Variants in RXRA observed in about 807,000 individuals in gnomAD.
RXRA encodes retinoid X receptor alpha, also known as retinoic acid receptor RXR-alpha.
In RXRA, 5 loss-of-function variants were observed where a neutral mutation model predicts 44.5. The ratio of observed to expected loss-of-function variants is 0.11; its 90% CI spans 0.06 to 0.24. The LOEUF is 0.24. Ranked by LOEUF, RXRA falls within the 10% of genes least tolerant of loss-of-function variation. RXRA has a pLI of 1.00. For synonymous variants in RXRA, 291 were observed against 271.4 expected (o/e 1.07, Z -0.71); for missense variants, 412 against 646.5 (o/e 0.64, Z 3.93).
chr9:134,429,100 C>T lies in RXRA; in HGVS notation c.911-8C>T, dbSNP rs755307766. ...AGACAGCTGAGTGACTGTGTGCCTC[C>T]TCCCCAGGCTGGAATGAGCTGCTCA... On this transcript the variant is annotated splice_region_variant and splice_polypyrimidine_tract_variant and intron_variant, in intron 6 of 9. Transcript: ENST00000481739. The T allele has an allele frequency of 1.9e-6, 3 of 1,612,812 alleles. No homozygotes were observed. Among genetic ancestry groups the T allele is most frequent in the Middle Eastern group, 1.7e-4 (1 of 6,056 alleles).
At position 134,407,412 on chromosome 9, in the gene RXRA, G is replaced by A. The variant is rs1321587998; in HGVS notation, c.280-737G>A. On this transcript the variant is annotated intron_variant, in intron 2 of 9. Coordinates refer to ENST00000481739, the MANE Select transcript of RXRA (RefSeq NM_002957.6). This position sits in a 1 kb window ranked among gnomAD's most constrained non-coding sequence, Gnocchi z 4.8. ...CGGGAAGCGCCTGTGGGTCCTCGGC[G>A]CTGACTGCAGAGCTGGGTGGAGGCA... Among the ~76,000 whole-genome samples, 5 of 152,350 alleles carry A rather than the reference G, an allele frequency of 3.3e-5. No individual in the cohort carries two copies. Among genetic ancestry groups the A allele is most frequent in the Admixed American group, 2.6e-4 (4 of 15,312 alleles).
intron 1 of RXRA, among the ~76,000 whole-genome samples, chr9:134,336,875 C>T (rs1050551899): frequency 6.6e-6 from 1 of 152,208 alleles, no homozygotes; most frequent in Non-Finnish European, 1.5e-5. Context: ...TTCTGGAGGC[C>T]GGTCCAGTTT....
At chr9:134,337,697 A>G (rs1241443721) in intron 1 of RXRA, among the ~76,000 whole-genome samples, 4 of 152,058 alleles carry the variant, frequency 2.6e-5, no homozygotes, top group African/African-American at 7.2e-5. Flanking sequence ...GGAAAAGCCA[A>G]TGTCTCGTCC....
At chr9:134,401,336 G>A in intron 1 of RXRA, 1 of 445,824 alleles carries the variant, frequency 2.2e-6, no homozygotes, top group Non-Finnish European at 4.1e-6. Flanking sequence ...GAGGGTTGGA[G>A]CGACCCAGGC....
intron 4 of RXRA, among the ~76,000 whole-genome samples, chr9:134,412,991 A>G (rs1831173593): frequency 1.3e-5 from 2 of 152,142 alleles, no homozygotes; most frequent in African/African-American, 4.8e-5. Flanking sequence ...GTGTGCACCT[A>G]TGTGTGCACG....
chr9:134,346,501 C>T (rs1830153881), intron 1 of RXRA, among the ~76,000 whole-genome samples: 1 of 152,198 alleles, frequency 6.6e-6, no homozygotes, highest in Non-Finnish European at 1.5e-5. Flanking sequence ...CAGGTCCTGC[C>T]AGTGGCTGGC....
intron 1 of RXRA, among the ~76,000 whole-genome samples, chr9:134,364,896 G>C (rs912439858): frequency 1.3e-5 from 2 of 152,218 alleles, no homozygotes; most frequent in Non-Finnish European, 2.9e-5. Flanking sequence ...CTGGCCTCTC[G>C]GCCCCTAGCT....
chr9:134,374,612 A>G (rs1830530331), intron 1 of RXRA, among the ~76,000 whole-genome samples: 1 of 152,214 alleles, frequency 6.6e-6, no homozygotes, highest in Admixed American at 6.5e-5. Context: ...GCCCCGAGCA[A>G]ATGCCGTTCC....
Position 134,429,215 on chromosome 9 carries a change from G to A in RXRA, c.1018G>A (p.Ala340Thr). 6.2e-7 allele frequency: 1 copy of A among 1,612,572 alleles called. No individual in the cohort carries two copies. Among genetic ancestry groups the A allele is most frequent in the Non-Finnish European group, 8.5e-7 (1 of 1,179,822 alleles). Reference sequence around the variant, plus strand: ...CGTCCACCGGAACAGCGCCCACAGCGCAGGGGTGGGCGCCATCTTTGACAG... The same window carrying A: ...CGTCCACCGGAACAGCGCCCACAGCACAGGGGTGGGCGCCATCTTTGACAG... ...LHVHRNSAHS[A>T]GVGAIFDRVL... The change falls in exon 7 of 10, where the codon GCA (alanine) becomes ACA (threonine). Residue 340 changes from alanine (A) to threonine (T), a missense_variant. By Grantham distance (58) the Ala-to-Thr change is moderately conservative. Transcript: ENST00000481739.
Position 134,342,026 on chromosome 9 carries a change from C to T in RXRA, c.28+15367C>T, listed in dbSNP as rs59984933. Among the ~76,000 whole-genome samples, 16,202 of 152,142 alleles carry T rather than the reference C, an allele frequency of 0.11. 946 individuals are homozygous for T. The highest frequency in any genetic ancestry group is 0.16 in the Admixed American group (2,523 of 15,298). On this transcript the variant is annotated intron_variant, in intron 1 of 9. Transcript: ENST00000481739. This position sits in a 1 kb window ranked among gnomAD's most constrained non-coding sequence, Gnocchi z 4.4. ...TGGGGGTAGGGGCTGTCAGAGCATC[C>T]GGCTAGCTGGAGCCTGCCTGTGGTG...
intron 4 of RXRA, 70 bp downstream of exon 4, chr9:134,409,189 G>A: frequency 1.4e-6 from 2 of 1,405,566 alleles, no homozygotes; most frequent in Non-Finnish European, 1.9e-6. Flanking sequence ...CTTGTGCGTG[G>A]ACACCCGAGA....
At position 134,349,132 on chromosome 9, in the gene RXRA, G is replaced by A. The variant is rs1250900807; in HGVS notation, c.28+22473G>A. On this transcript the variant is annotated intron_variant, in intron 1 of 9. Coordinates refer to ENST00000481739, the MANE Select transcript of RXRA (RefSeq NM_002957.6). This position sits in a 1 kb window ranked among gnomAD's most constrained non-coding sequence, Gnocchi z 4.3. ...CCTGAACTCACCGAGGGCCAGGAGG[G>A]GTCCTGAACACTGCCCTGCCTCATG... Among the ~76,000 whole-genome samples the A allele has an allele frequency of 6.6e-6, 1 of 152,218 alleles. No homozygotes were observed. Among genetic ancestry groups the A allele is most frequent in the African/African-American group, 2.4e-5 (1 of 41,454 alleles).
intron 1 of RXRA, among the ~76,000 whole-genome samples, chr9:134,384,186 G>A (rs1002516780): frequency 1.3e-5 from 2 of 151,590 alleles, no homozygotes; most frequent in South Asian, 2.1e-4. Context: ...GTGTCACCCC[G>A]GTTGGGGGGG....
rs374063207 is a variant in RXRA, at chr9:134,417,689, C to T, written c.780+362C>T. On this transcript the variant is annotated intron_variant, in intron 5 of 9. Coordinates refer to ENST00000481739, the MANE Select transcript of RXRA (RefSeq NM_002957.6). This position sits in a 1 kb window ranked among gnomAD's most constrained non-coding sequence, Gnocchi z 6.1. Reference sequence around the variant, plus strand: ...CGGTGCAGAGGCTGTCCCTGCTCCCCGGTGCCACTTGGAAAAGGTATGGGA... The same window carrying T: ...CGGTGCAGAGGCTGTCCCTGCTCCCTGGTGCCACTTGGAAAAGGTATGGGA... Among the ~76,000 whole-genome samples the T allele has an allele frequency of 5.9e-5, 9 of 152,116 alleles. No individual in the cohort carries two copies. Among genetic ancestry groups the T allele is most frequent in the Admixed American group, 1.3e-4 (2 of 15,282 alleles).
At position 134,433,289 on chromosome 9, in the gene RXRA, T is replaced by G. The variant is rs571362678; in HGVS notation, c.1136-813T>G. 6.6e-6 allele frequency among the ~76,000 whole-genome samples: 1 copy of G among 152,238 alleles called. No individual in the cohort carries two copies. Among genetic ancestry groups the G allele is most frequent in the African/African-American group, 2.4e-5 (1 of 41,542 alleles). ...TTCAGGTCCTGTGTGGTCTGGTTGC[T>G]AGAGCTGGGGCACCAGCAGGACCTG... On this transcript the variant is annotated intron_variant, in intron 8 of 9. Coordinates refer to ENST00000481739, the MANE Select transcript of RXRA (RefSeq NM_002957.6). This position sits in a 1 kb window ranked among gnomAD's most constrained non-coding sequence, Gnocchi z 4.2.
chr9:134,358,658 C>T (rs1830313658), intron 1 of RXRA, among the ~76,000 whole-genome samples: 1 of 152,228 alleles, frequency 6.6e-6, no homozygotes, highest in Admixed American at 6.5e-5. Flanking sequence ...GCCCTAGGCC[C>T]TGCCCTCCCC....
intron 6 of RXRA, chr9:134,422,197 C>T: frequency 3.1e-6 from 4 of 1,285,830 alleles, no homozygotes; most frequent in East Asian, 5.6e-5. Context: ...CTTCCCCCTC[C>T]AGGGACACAC....
intron 6 of RXRA, 119 bp downstream of exon 6, chr9:134,421,924 C>T: frequency 6.6e-7 from 1 of 1,524,696 alleles, no homozygotes; most frequent in Admixed American, 2.0e-5. Flanking sequence ...TGGGACACTC[C>T]CCCCTCCCAG....
At chr9:134,377,187 G>C (rs1349813062) in intron 1 of RXRA, among the ~76,000 whole-genome samples, 4 of 152,226 alleles carry the variant, frequency 2.6e-5, no homozygotes. Flanking sequence ...CACCCTGTCT[G>C]TGCTCCGCTT....
Sources: allele counts gnomAD v4.1 joint callset (sites outside exome capture counted in the v4.1 genomes callset), GRCh38; gene constraint gnomAD v4.1.1; non-coding constraint Gnocchi (gnomAD v3.1); transcripts MANE v1.5; gene names NCBI Gene and HGNC (gene_info 2026-07-23, HGNC 2026-07-21).